The following IL1RAP variants were observed in gnomAD, a reference collection of about 807,000 sequenced individuals.
IL1RAP encodes interleukin-1 receptor accessory protein.
A neutral mutation model predicts 60.7 loss-of-function variants in IL1RAP; 35 were observed. That is an observed-to-expected ratio of 0.58 (90% CI 0.44 to 0.76). The LOEUF (loss-of-function observed/expected upper bound fraction) is 0.76. Among genes scored for constraint, IL1RAP ranks in the 30% least tolerant of loss-of-function variants. The pLI is 0.00. For missense variants in IL1RAP, 572 were observed against 693.9 expected (o/e 0.82, Z 1.97); for synonymous variants, 268 against 250.9 (o/e 1.07, Z -0.64).
chr3:190,649,738 C>A lies in IL1RAP; in HGVS notation c.*1033C>A. On this transcript the variant is annotated 3_prime_UTR_variant, in exon 12 of 12. Coordinates refer to ENST00000447382, the MANE Select transcript of IL1RAP (RefSeq NM_002182.4). ...GAGAGTTGCTTTTGGCATTAATATT[C>A]TAAGAGAATTAACTGTATTTCCTGT... The A allele has an allele frequency of 1.0e-6, 1 of 985,688 alleles. No individual in the cohort carries two copies. The highest frequency in any genetic ancestry group is 1.2e-6 in the Non-Finnish European group (1 of 829,906). 61.1% of individuals were successfully genotyped at this position (985,688 alleles called of 1,614,324 possible).
chr3:190,518,269 G>C (rs150148085), intron 1 of IL1RAP, among the ~76,000 whole-genome samples: 1,777 of 152,122 alleles, frequency 0.012, 28 homozygotes, highest in African/African-American at 0.038. Context: ...AGGAAATAGG[G>C]ACACTGATGC....
intron 9 of IL1RAP, among the ~76,000 whole-genome samples, chr3:190,637,652 G>A (rs1448595677): frequency 1.3e-5 from 2 of 151,894 alleles, no homozygotes; most frequent in East Asian, 3.9e-4. Flanking sequence ...TAATTCAAGT[G>A]TACCATTTGA....
At chr3:190,604,470 C>T in intron 4 of IL1RAP, 57 bp downstream of exon 4, 1 of 1,547,916 alleles carries the variant, frequency 6.5e-7, no homozygotes, top group Non-Finnish European at 8.8e-7. Flanking sequence ...GGGCTCTTTT[C>T]CGGATGATCC....
At chr3:190,589,491 A>C (rs73200013) in intron 3 of IL1RAP, among the ~76,000 whole-genome samples, 17,260 of 152,198 alleles carry the variant, frequency 0.11, 1,158 homozygotes, top group African/African-American at 0.19. Flanking sequence ...GGCGTTTCGC[A>C]GGTGATGCCT....
intron 3 of IL1RAP, among the ~76,000 whole-genome samples, chr3:190,599,983 CAT>C (rs1460319363): frequency 6.6e-6 from 1 of 151,856 alleles, no homozygotes; most frequent in Non-Finnish European, 1.5e-5. Flanking sequence ...GTATTTTTTA[CAT>C]GTTTACTTTT....
intron 3 of IL1RAP, among the ~76,000 whole-genome samples, chr3:190,593,696 A>G (rs907300117): frequency 6.6e-6 from 1 of 152,086 alleles, no homozygotes; most frequent in Non-Finnish European, 1.5e-5. Context: ...TGAGAACAGC[A>G]CAGGAAAGAC....
intron 3 of IL1RAP, among the ~76,000 whole-genome samples, chr3:190,596,916 A>C (rs1422857261): frequency 6.6e-6 from 1 of 152,232 alleles, no homozygotes; most frequent in Non-Finnish European, 1.5e-5. Flanking sequence ...TAATATAAAA[A>C]GCTCTGACAA....
At chr3:190,554,344 C>A (rs1001937537) in intron 1 of IL1RAP, among the ~76,000 whole-genome samples, 2 of 152,080 alleles carry the variant, frequency 1.3e-5, no homozygotes, top group African/African-American at 2.4e-5. Flanking sequence ...AGATTGAAAC[C>A]CTGGTTACTA....
intron 1 of IL1RAP, among the ~76,000 whole-genome samples, chr3:190,526,479 T>A (rs1022691664): frequency 6.6e-6 from 1 of 152,350 alleles, no homozygotes; most frequent in Admixed American, 6.5e-5. Context: ...TGTGACCTAT[T>A]CTTTCAAGTT....
In IL1RAP at chr3:190,620,759, T is replaced by C. The variant is rs115602678; in HGVS notation, c.703+319T>C. On this transcript the variant is annotated intron_variant, in intron 6 of 11. Transcript: ENST00000447382. Reference sequence around the variant, plus strand: ...CATGACGTTGAACAAGGTCCCTGTCTTTATCTGTACTCTGGAACTGCAATT... The same window carrying C: ...CATGACGTTGAACAAGGTCCCTGTCCTTATCTGTACTCTGGAACTGCAATT... 1.7e-3 allele frequency among the ~76,000 whole-genome samples: 253 copies of C among 152,316 alleles called. 2 individuals carry two copies. Among genetic ancestry groups the C allele is most frequent in the African/African-American group, 5.1e-3 (214 of 41,580 alleles).
chr3:190,575,095 A>G (rs1405277439), intron 3 of IL1RAP, among the ~76,000 whole-genome samples: 2 of 152,146 alleles, frequency 1.3e-5, no homozygotes, highest in Non-Finnish European at 2.9e-5. Context: ...TACCTTTGTG[A>G]TTTAATAGAA....
At chr3:190,585,787 G>A (rs1422848456) in intron 3 of IL1RAP, among the ~76,000 whole-genome samples, 1 of 151,862 alleles carries the variant, frequency 6.6e-6, no homozygotes, top group Non-Finnish European at 1.5e-5. Context: ...ACTCCAGCCT[G>A]GGTGACAGAG....
At chr3:190,632,119 C>G (rs1328100078) in intron 9 of IL1RAP, among the ~76,000 whole-genome samples, 1 of 152,148 alleles carries the variant, frequency 6.6e-6, no homozygotes, top group African/African-American at 2.4e-5. Context: ...TTTATAATAA[C>G]AGCATGAAAA....
intron 3 of IL1RAP, among the ~76,000 whole-genome samples, chr3:190,598,619 G>C (rs1227707152): frequency 4.6e-5 from 7 of 151,476 alleles, no homozygotes; most frequent in African/African-American, 1.7e-4. Context: ...TATACTTTCT[G>C]CCTTAACTAT....
At chr3:190,569,507 G>A (rs1425482119) in intron 3 of IL1RAP, among the ~76,000 whole-genome samples, 3 of 151,944 alleles carry the variant, frequency 2.0e-5, no homozygotes, top group Non-Finnish European at 4.4e-5. Context: ...TTTATTCTTA[G>A]TCCTAAAGGT....
chr3:190,535,022 G>A, intron 1 of IL1RAP, among the ~76,000 whole-genome samples: 1 of 151,992 alleles, frequency 6.6e-6, no homozygotes, highest in East Asian at 1.9e-4. Flanking sequence ...AGCAACAAAG[G>A]TCCCAAATAT....
rs778208577 is a variant in IL1RAP, at chr3:190,608,980, T to C, written c.351-15T>C. The C allele has an allele frequency of 3.7e-6, 6 of 1,605,048 alleles. No homozygotes were observed. Among genetic ancestry groups the C allele is most frequent in the Non-Finnish European group, 5.1e-6 (6 of 1,174,106 alleles). ...ATGCAAATACTACCCATTCATTGTA[T>C]ATTTCTTTTTTCAGGAACACTACAT... On this transcript the variant is annotated splice_polypyrimidine_tract_variant and intron_variant, in intron 4 of 11. Transcript: ENST00000447382.
At chr3:190,539,031 T>A (rs765962006) in intron 1 of IL1RAP, among the ~76,000 whole-genome samples, 54 of 152,250 alleles carry the variant, frequency 3.5e-4, no homozygotes, top group South Asian at 6.2e-4. Flanking sequence ...TTGTTAGCAG[T>A]GTAAGAATAG....
At position 190,563,824 on chromosome 3, in the gene IL1RAP, G is replaced by A. The variant is rs144483685; in HGVS notation, c.-1-465G>A. 1,506 of 162,170 alleles carry A rather than the reference G, an allele frequency of 9.3e-3. 24 individuals are homozygous for A. The highest frequency in any genetic ancestry group is 0.032 in the African/African-American group (1,354 of 41,710). 10.0% of individuals were successfully genotyped at this position (162,170 alleles called of 1,614,324 possible). A position where few individuals can be genotyped will look rare whatever the true frequency, so the allele number is the denominator to read the frequency against. On this transcript the variant is annotated intron_variant, in intron 2 of 11. Transcript: ENST00000447382. ...CCAACTAGAAATAGACCAAGGGAATGCAAAGAGGGGTAAGAAGGTTGAATT... is the reference window on the plus strand; with the variant it reads ...CCAACTAGAAATAGACCAAGGGAATACAAAGAGGGGTAAGAAGGTTGAATT...
Sources: gnomAD v4.1 joint callset for allele counts (sites outside exome capture counted in the v4.1 genomes callset) on GRCh38, gnomAD v4.1.1 for gene constraint, MANE v1.5 for transcripts, NCBI Gene and HGNC (gene_info 2026-07-23, HGNC 2026-07-21) for gene names.